Variants in GADL1 observed in about 807,000 individuals in gnomAD.
The protein encoded by GADL1 is GAD like acidic amino acid decarboxylase 1.
A neutral mutation model predicts 69.5 loss-of-function variants in GADL1; 71 were observed. The ratio of observed to expected loss-of-function variants is 1.02; its 90% CI spans 0.84 to 1.25. GADL1 has a LOEUF of 1.25. Among genes scored for constraint, GADL1 ranks in the 50% most tolerant of loss-of-function variants. The pLI, the probability that GADL1 is intolerant of heterozygous loss-of-function variation, is 0.00. For synonymous variants in GADL1, 254 were observed against 214.4 expected, an observed-to-expected ratio of 1.18 and a Z score of -1.62; for missense variants, 737 against 631.8, an observed-to-expected ratio of 1.17 and a Z score of -1.79.
At chr3:30,877,812 TGTA>T (rs1471100210) in intron 1 of GADL1, among the ~76,000 whole-genome samples, 1 of 151,966 alleles carries the variant, frequency 6.6e-6, no homozygotes, top group East Asian at 1.9e-4. Context: ...TGGTTAATGG[TGTA>T]GTATTACCAT....
At chr3:30,815,817 G>A (rs1390262880) in intron 11 of GADL1, among the ~76,000 whole-genome samples, 2 of 152,168 alleles carry the variant, frequency 1.3e-5, no homozygotes, top group Non-Finnish European at 2.9e-5. Flanking sequence ...GGGAAACAGG[G>A]TTGATCCATT....
At chr3:30,867,725 C>T (rs555342599) in intron 1 of GADL1, among the ~76,000 whole-genome samples, 132 of 151,848 alleles carry the variant, frequency 8.7e-4, no homozygotes, top group African/African-American at 3.0e-3. Flanking sequence ...TGGGTATCTA[C>T]CATTAGCAAG....
chr3:30,772,184 GATTT>G (rs1430936092), intron 14 of GADL1, among the ~76,000 whole-genome samples: 4 of 152,132 alleles, frequency 2.6e-5, no homozygotes, highest in African/African-American at 7.2e-5. Context: ...TAGATTTTAA[GATTT>G]ATTTCTCCTC....
intron 14 of GADL1, among the ~76,000 whole-genome samples, chr3:30,751,313 G>T (rs1225195492): frequency 6.6e-6 from 1 of 151,960 alleles, no homozygotes; most frequent in Non-Finnish European, 1.5e-5. Context: ...AAAGCCCTGG[G>T]ACCATTGTGG....
intron 1 of GADL1, among the ~76,000 whole-genome samples, chr3:30,883,123 T>A (rs936935664): frequency 6.6e-6 from 1 of 151,996 alleles, no homozygotes; most frequent in Non-Finnish European, 1.5e-5. Flanking sequence ...GTTGATTGTG[T>A]CTTTTGGTGC....
At chr3:30,872,083 C>A (rs1698499931) in intron 1 of GADL1, among the ~76,000 whole-genome samples, 1 of 151,920 alleles carries the variant, frequency 6.6e-6, no homozygotes, top group Admixed American at 6.6e-5. Context: ...GCTCTCCAAA[C>A]CACCTCCACC....
chr3:30,864,823 T>C (rs1011079882), intron 1 of GADL1, among the ~76,000 whole-genome samples: 11 of 152,048 alleles, frequency 7.2e-5, no homozygotes, highest in African/African-American at 2.7e-4. Context: ...CCACTTTTAC[T>C]ACCTTAGTTC....
intron 11 of GADL1, among the ~76,000 whole-genome samples, chr3:30,817,739 G>A (rs1346395941): frequency 2.6e-5 from 4 of 152,138 alleles, no homozygotes; most frequent in East Asian, 1.9e-4. Flanking sequence ...TTCTAGAACT[G>A]GATGTCGAGG....
At chr3:30,837,774 G>C (rs952606533) in intron 9 of GADL1, among the ~76,000 whole-genome samples, 9 of 151,866 alleles carry the variant, frequency 5.9e-5, no homozygotes, top group Admixed American at 5.3e-4. Flanking sequence ...TTATCTTTTA[G>C]GATATAATGT....
At chr3:30,774,708 G>C (rs1438355870) in intron 14 of GADL1, among the ~76,000 whole-genome samples, 1 of 152,012 alleles carries the variant, frequency 6.6e-6, no homozygotes, top group African/African-American at 2.4e-5. Flanking sequence ...AAACTGTATA[G>C]GGAGGTCATG....
intron 14 of GADL1, among the ~76,000 whole-genome samples, chr3:30,774,604 C>T (rs1217735725): frequency 6.6e-6 from 1 of 152,008 alleles, no homozygotes; most frequent in Admixed American, 6.6e-5. Flanking sequence ...CTTATGTATT[C>T]CAATACTGTC....
chr3:30,775,316 G>GC (rs1023621184), intron 14 of GADL1, among the ~76,000 whole-genome samples: 7 of 152,304 alleles, frequency 4.6e-5, no homozygotes, highest in African/African-American at 1.7e-4. Context: ...AATCAGAGGG[G>GC]CAAAGCCTTA....
rs147627993 is a variant in GADL1, at chr3:30,732,196, G to A, written c.1393-3781C>T. On this transcript the variant is annotated intron_variant, in intron 14 of 14. Coordinates refer to ENST00000282538, the MANE Select transcript of GADL1 (RefSeq NM_207359.3). ...GAGACAGTCCTAATCTGACAGGATG[G>A]CATGGTCACAGGGGAAGGAAAATAT... is the stretch of plus-strand genomic sequence containing the variant. Among the ~76,000 whole-genome samples, 17 of 152,230 alleles carry A rather than the reference G, an allele frequency of 1.1e-4. No homozygotes were observed. The East Asian group carries it at 3.3e-3, about 29-fold the overall frequency.
intron 3 of GADL1, among the ~76,000 whole-genome samples, chr3:30,855,609 T>C (rs900904202): frequency 2.0e-5 from 3 of 149,434 alleles, no homozygotes; most frequent in East Asian, 5.2e-4. Flanking sequence ...AATTTTAATT[T>C]TTTTCCCCCC....
At chr3:30,787,574 G>A (rs1410148277) in intron 12 of GADL1, among the ~76,000 whole-genome samples, 1 of 152,098 alleles carries the variant, frequency 6.6e-6, no homozygotes, top group Non-Finnish European at 1.5e-5. Context: ...AGCATTTATT[G>A]TGATTTTTAT....
At chr3:30,739,714 T>C (rs920306199) in intron 14 of GADL1, among the ~76,000 whole-genome samples, 2 of 152,226 alleles carry the variant, frequency 1.3e-5, no homozygotes, top group East Asian at 1.9e-4. Context: ...TACCTTACTT[T>C]ACTTCTGTCG....
intron 14 of GADL1, among the ~76,000 whole-genome samples, chr3:30,761,253 C>CTGAGT (rs1393967406): frequency 1.6e-5 from 2 of 125,690 alleles, no homozygotes; most frequent in Non-Finnish European, 3.6e-5. Flanking sequence ...AATGAGAATT[C>CTGAGT]TGAGTCTCCA....
At chr3:30,752,750 G>A (rs1349511324) in intron 14 of GADL1, among the ~76,000 whole-genome samples, 3 of 152,154 alleles carry the variant, frequency 2.0e-5, no homozygotes, top group African/African-American at 7.2e-5. Flanking sequence ...TTTAGAAAGT[G>A]GAGTCCAAAG....
intron 1 of GADL1, among the ~76,000 whole-genome samples, chr3:30,873,647 TG>T (rs1698526698): frequency 6.6e-6 from 1 of 151,992 alleles, no homozygotes; most frequent in African/African-American, 2.4e-5. Context: ...AAAACCAATT[TG>T]CTCAAGTGTT....
Sources: gnomAD v4.1 joint callset for allele counts (sites outside exome capture counted in the v4.1 genomes callset) on GRCh38, gnomAD v4.1.1 for gene constraint, MANE v1.5 for transcripts, NCBI Gene and HGNC (gene_info 2026-07-23, HGNC 2026-07-21) for gene names.